PDCD1LG2: variants seen among roughly 807,000 people sequenced by gnomAD.
PDCD1LG2 encodes the protein programmed cell death 1 ligand 2.
A neutral mutation model predicts 28.2 loss-of-function variants in PDCD1LG2; 32 were observed. The ratio of observed to expected loss-of-function variants is 1.13; its 90% CI spans 0.86 to 1.52. The LOEUF (loss-of-function observed/expected upper bound fraction) is 1.52. Among genes scored for constraint, PDCD1LG2 ranks in the 40% most tolerant of loss-of-function variants. The pLI, the probability that PDCD1LG2 is intolerant of heterozygous loss-of-function variation, is 0.00. For synonymous variants in PDCD1LG2, 116 were observed against 120.2 expected (o/e 0.97, Z 0.23); for missense variants, 385 against 323.8 (o/e 1.19, Z -1.45).
At chr9:5,515,790 G>C (rs1361294674) in intron 1 of PDCD1LG2, among the ~76,000 whole-genome samples, 1 of 151,724 alleles carries the variant, frequency 6.6e-6, no homozygotes, top group Non-Finnish European at 1.5e-5. Flanking sequence ...AGGTGCAGTT[G>C]TGCACGCCTG....
Position 5,524,353 on chromosome 9 carries a change from C to T in PDCD1LG2, c.55+1752C>T, listed in dbSNP as rs76828813. ...TTGCACTGAAGTCTGAATATGGATA[C>T]GTATTGAATGTTTATTCTGGATATT... On this transcript the variant is annotated intron_variant, in intron 2 of 6. Transcript: ENST00000397747. 9.9e-3 allele frequency among the ~76,000 whole-genome samples: 1,510 copies of T among 152,202 alleles called. 28 individuals are homozygous for T. Among genetic ancestry groups the T allele is most frequent in the African/African-American group, 0.035 (1,442 of 41,504 alleles).
intron 1 of PDCD1LG2, among the ~76,000 whole-genome samples, chr9:5,512,203 C>G (rs73641629): frequency 0.014 from 2,087 of 152,280 alleles, 48 homozygotes; most frequent in African/African-American, 0.048. Flanking sequence ...TTGTTGCATA[C>G]GTGGGTTACT....
At chr9:5,563,405 C>T (rs1816605488) in intron 6 of PDCD1LG2, among the ~76,000 whole-genome samples, 194 bp downstream of exon 6, 1 of 152,174 alleles carries the variant, frequency 6.6e-6, no homozygotes. Flanking sequence ...TTTGCTCGGT[C>T]TATATTCCTA....
At chr9:5,525,245 T>G (rs1443817005) in intron 2 of PDCD1LG2, among the ~76,000 whole-genome samples, 1 of 151,326 alleles carries the variant, frequency 6.6e-6, no homozygotes, top group Non-Finnish European at 1.5e-5. Flanking sequence ...GCTACTCAGC[T>G]GAGGCAGAAA....
Position 5,517,662 on chromosome 9 carries a change from C to T in PDCD1LG2, c.-14-4871C>T, listed in dbSNP as rs115759330. On this transcript the variant is annotated intron_variant, in intron 1 of 6. Coordinates refer to ENST00000397747, the MANE Select transcript of PDCD1LG2 (RefSeq NM_025239.4). The stretch of plus-strand genomic sequence containing the variant: ...CAGGAAGGCAAAACTGGAATCATAG[C>T]ATCCAGTTGTCAGACTAATGCAGAA... Among the ~76,000 whole-genome samples the T allele has an allele frequency of 5.3e-3, 800 of 152,328 alleles. 5 individuals are homozygous for T. The highest frequency in any genetic ancestry group is 0.019 in the African/African-American group (782 of 41,576).
chr9:5,532,077 T>G (rs1037324224), intron 2 of PDCD1LG2, among the ~76,000 whole-genome samples: 2 of 152,204 alleles, frequency 1.3e-5, no homozygotes, highest in African/African-American at 2.4e-5. Flanking sequence ...AGGTGAGAGC[T>G]ATTCCAAGTG....
At chr9:5,511,428 C>T (rs901959054) in intron 1 of PDCD1LG2, among the ~76,000 whole-genome samples, 2 of 152,294 alleles carry the variant, frequency 1.3e-5, no homozygotes, top group African/African-American at 2.4e-5. Flanking sequence ...TGCTCACCGC[C>T]TGGATGCACT....
At chr9:5,515,842 G>A (rs550177073) in intron 1 of PDCD1LG2, among the ~76,000 whole-genome samples, 1 of 130,068 alleles carries the variant, frequency 7.7e-6, no homozygotes, top group Non-Finnish European at 1.6e-5. Context: ...AGAATCACTT[G>A]AACCCGGGAG....
Position 5,570,184 on chromosome 9 carries a change from G to C in PDCD1LG2, c.*225G>C. On this transcript the variant is annotated 3_prime_UTR_variant, in exon 7 of 7. Coordinates refer to ENST00000397747, the MANE Select transcript of PDCD1LG2 (RefSeq NM_025239.4). Reference sequence around the variant, plus strand: ...TCACCTCTGGAGCCTATGGCTTTAAGCAAGCACTACTGCACTTTACAGAAT... The same window carrying C: ...TCACCTCTGGAGCCTATGGCTTTAACCAAGCACTACTGCACTTTACAGAAT... 1.8e-6 allele frequency: 1 copy of C among 565,356 alleles called. No individual in the cohort carries two copies. 35.0% of individuals were successfully genotyped at this position (565,356 alleles called of 1,614,324 possible).
rs2129979833 is a variant in PDCD1LG2 at position 5,571,191 on chromosome 9, T to C, written c.*1232T>C. 4.3e-6 allele frequency: 1 copy of C among 232,960 alleles called. No individual in the cohort carries two copies. The highest frequency in any genetic ancestry group is 2.2e-5 in the African/African-American group (1 of 45,442). The allele number at this position is 232,960 out of a possible 1,614,324, so 14.4% of individuals were successfully genotyped here. A position where few individuals can be genotyped will look rare whatever the true frequency, so the allele number is the denominator to read the frequency against. ...TAACAGACAAATCATACATCTCAGT[T>C]TCTCAATTCTCATGTAAATCAGAGA... On this transcript the variant is annotated 3_prime_UTR_variant, in exon 7 of 7. Transcript: ENST00000397747.
chr9:5,547,936 C>CA (rs1165268333), intron 3 of PDCD1LG2, among the ~76,000 whole-genome samples: 4,171 of 60,212 alleles, frequency 0.069, 120 homozygotes, highest in Middle Eastern at 0.11. Flanking sequence ...AACTCTGTCT[C>CA]AAAAAAAAAA....
intron 1 of PDCD1LG2, 142 bp downstream of exon 1, chr9:5,510,945 G>T (rs922528960): frequency 2.6e-5 from 4 of 152,532 alleles, no homozygotes; most frequent in East Asian, 1.9e-4. Flanking sequence ...TTGTGCTGAG[G>T]GGCACAAATA....
At chr9:5,515,922 C>CAAAAA (rs1204038026) in intron 1 of PDCD1LG2, among the ~76,000 whole-genome samples, 107 of 30,116 alleles carry the variant, frequency 3.6e-3, no homozygotes, top group East Asian at 5.0e-3. Flanking sequence ...GACTCCATCT[C>CAAAAA]AAAAAAAAAA....
intron 1 of PDCD1LG2, among the ~76,000 whole-genome samples, chr9:5,520,214 C>T (rs1820247362): frequency 6.6e-6 from 1 of 152,180 alleles, no homozygotes; most frequent in African/African-American, 2.4e-5. Context: ...CAGTAATCAA[C>T]GCTGTGTGGT....
intron 2 of PDCD1LG2, among the ~76,000 whole-genome samples, chr9:5,530,632 G>A (rs1036358425): frequency 3.3e-5 from 5 of 152,132 alleles, no homozygotes; most frequent in Admixed American, 2.6e-4. Context: ...TTGACCTTGG[G>A]CAAGTTGCAT....
intron 4 of PDCD1LG2, among the ~76,000 whole-genome samples, chr9:5,552,524 C>A (rs927508500): frequency 6.6e-6 from 1 of 152,102 alleles, no homozygotes; most frequent in Non-Finnish European, 1.5e-5. Context: ...GTAGAACATG[C>A]TTGAGGAGGT....
Position 5,549,444 on chromosome 9 carries a change from C to T in PDCD1LG2, c.471C>T (p.Asn157=), listed in dbSNP as rs1022194330. The change falls in exon 4 of 7, where the codon AAC becomes AAT. Residue 157 remains asparagine (N), a synonymous_variant. Transcript: ENST00000397747. ...GYPLAEVSWP[N]VSVPANTSHS... ...CTCTGGCAGAAGTATCCTGGCCAAACGTCAGCGTTCCTGCCAACACCAGCC... is the reference window on the plus strand; with the variant it reads ...CTCTGGCAGAAGTATCCTGGCCAAATGTCAGCGTTCCTGCCAACACCAGCC... The T allele has an allele frequency of 6.2e-6, 10 of 1,614,086 alleles. No individual in the cohort carries two copies. The highest frequency in any genetic ancestry group is 1.1e-5 in the South Asian group (1 of 91,092).
intron 1 of PDCD1LG2, among the ~76,000 whole-genome samples, chr9:5,516,953 T>C (rs1271965916): frequency 6.6e-6 from 1 of 152,150 alleles, no homozygotes; most frequent in Non-Finnish European, 1.5e-5. Flanking sequence ...CCTGGGAGCA[T>C]GCGGTTCCCA....
rs1820041239 is a variant in PDCD1LG2 at position 5,510,751 on chromosome 9, T to A, written c.-67T>A. 6.6e-6 allele frequency: 1 copy of A among 152,644 alleles called. No individual in the cohort carries two copies. The highest frequency in any genetic ancestry group is 6.5e-5 in the Admixed American group (1 of 15,286). 9.5% of individuals were successfully genotyped at this position (152,644 alleles called of 1,614,324 possible). On this transcript the variant is annotated 5_prime_UTR_variant, in exon 1 of 7. Coordinates refer to ENST00000397747, the MANE Select transcript of PDCD1LG2 (RefSeq NM_025239.4). ...GAAATCTAACACAAACAGCAACTGT[T>A]TTTTGTTGTTTACTTTTGCATCTTT...
Sources: gnomAD v4.1 joint callset for allele counts (sites outside exome capture counted in the v4.1 genomes callset) on GRCh38, gnomAD v4.1.1 for gene constraint, MANE v1.5 for transcripts, NCBI Gene and HGNC (gene_info 2026-07-23, HGNC 2026-07-21) for gene names.